Variants in LGR6 observed in about 807,000 individuals in gnomAD.
LGR6 encodes leucine rich repeat containing G protein-coupled receptor 6.
In LGR6, 45 loss-of-function variants were observed where a neutral mutation model predicts 69.4. That is an observed-to-expected ratio of 0.65 (90% CI 0.51 to 0.83). The LOEUF is 0.83. Among genes scored for constraint, LGR6 ranks in the 40% least tolerant of loss-of-function variants. The pLI is 0.00. For missense variants in LGR6, 1,108 were observed against 1,246.7 expected, an observed-to-expected ratio of 0.89 and a Z score of 1.68; for synonymous variants, 538 against 555.0, an observed-to-expected ratio of 0.97 and a Z score of 0.43.
chr1:202,234,563 G>C (rs1661361664), intron 3 of LGR6, among the ~76,000 whole-genome samples: 1 of 152,178 alleles, frequency 6.6e-6, no homozygotes, highest in African/African-American at 2.4e-5. Flanking sequence ...GATAGATGCT[G>C]TGGTGTAATG....
intron 4 of LGR6, among the ~76,000 whole-genome samples, chr1:202,253,304 ACT>A (rs949703699): frequency 8.0e-5 from 12 of 149,702 alleles, no homozygotes; most frequent in Non-Finnish European, 1.2e-4. Context: ...TGGTCCTAAT[ACT>A]CTTTTTTTTT....
rs149297622 is a variant in LGR6, at chr1:202,309,623, C to A, written c.1406+447C>A. ...TAATGACATCCAGGCCTCTTCCATG[C>A]AGCAGCAGTGGTGCAGCCTGCATGG... On this transcript the variant is annotated intron_variant, in intron 15 of 17. Coordinates refer to ENST00000367278, the MANE Select transcript of LGR6 (RefSeq NM_001017403.2). 2.5e-3 allele frequency among the ~76,000 whole-genome samples: 381 copies of A among 152,384 alleles called. 1 individual carries two copies. The highest frequency in any genetic ancestry group is 8.9e-3 in the African/African-American group (370 of 41,592).
intron 4 of LGR6, among the ~76,000 whole-genome samples, chr1:202,239,344 G>GGT (rs36157781): frequency 0.048 from 6,984 of 144,088 alleles, 178 homozygotes; most frequent in East Asian, 0.056. Flanking sequence ...GTGTGTGTGT[G>GGT]GTGTGTGTGT....
intron 9 of LGR6, 44 bp from the exon 10 acceptor site, chr1:202,303,235 A>G (rs774120062): frequency 1.4e-6 from 2 of 1,424,394 alleles, no homozygotes; most frequent in Admixed American, 1.7e-5. Context: ...TGATGTTGAG[A>G]TGCTCTGACC....
At chr1:202,230,928 C>A (rs1157567461) in intron 3 of LGR6, among the ~76,000 whole-genome samples, 1 of 152,246 alleles carries the variant, frequency 6.6e-6, no homozygotes, top group African/African-American at 2.4e-5. Flanking sequence ...GCCTCCCGTC[C>A]TGCCCTCAAG....
At chr1:202,210,441 A>C (rs1263093964) in intron 1 of LGR6, among the ~76,000 whole-genome samples, 3 of 151,744 alleles carry the variant, frequency 2.0e-5, no homozygotes, top group African/African-American at 7.3e-5. Flanking sequence ...AAAAAAAAAA[A>C]AACAAAAACC....
chr1:202,219,797 AATAATT>A (rs1221788358), intron 1 of LGR6, among the ~76,000 whole-genome samples: 1 of 152,214 alleles, frequency 6.6e-6, no homozygotes, highest in African/African-American at 2.4e-5. Flanking sequence ...ATTCTATACT[AATAATT>A]ATAATTCAGT....
rs1177368284 is a variant in LGR6, at chr1:202,264,021, G to A, written c.429-12285G>A. On this transcript the variant is annotated intron_variant, in intron 4 of 17. Coordinates refer to ENST00000367278, the MANE Select transcript of LGR6 (RefSeq NM_001017403.2). ...GATTGTGTAGTCTGTGTGAGTGGAT[G>A]GACGGATGGATGAATGGAGAAATTG... Among the ~76,000 whole-genome samples the A allele has an allele frequency of 3.3e-5, 5 of 152,282 alleles. No individual in the cohort carries two copies. The East Asian group carries it at 5.8e-4, about 18-fold the overall frequency.
At chr1:202,307,613 T>A (rs1653348219) in intron 14 of LGR6, among the ~76,000 whole-genome samples, 1 of 152,230 alleles carries the variant, frequency 6.6e-6, no homozygotes, top group African/African-American at 2.4e-5. Flanking sequence ...GAACATCATC[T>A]GCTAATGTTC....
At chr1:202,199,016 C>T (rs1298258289) in intron 1 of LGR6, among the ~76,000 whole-genome samples, 3 of 152,170 alleles carry the variant, frequency 2.0e-5, no homozygotes, top group African/African-American at 7.2e-5. Flanking sequence ...AATCTTCAGT[C>T]TCTCAGTTGC....
chr1:202,316,291 A>C (rs1384006472), intron 17 of LGR6, among the ~76,000 whole-genome samples: 1 of 152,204 alleles, frequency 6.6e-6, no homozygotes, highest in Non-Finnish European at 1.5e-5. Context: ...GATGGAAAGC[A>C]GAAGGGGAGT....
chr1:202,281,570 G>A (rs1326786286), intron 6 of LGR6, among the ~76,000 whole-genome samples: 4 of 152,116 alleles, frequency 2.6e-5, no homozygotes, highest in East Asian at 1.9e-4. Context: ...AAGTGTGGCC[G>A]TTTCTGCCAG....
intron 1 of LGR6, among the ~76,000 whole-genome samples, chr1:202,211,347 G>C (rs544878694): frequency 6.6e-6 from 1 of 152,174 alleles, no homozygotes; most frequent in African/African-American, 2.4e-5. Context: ...TGAGGTTCAC[G>C]AAGACTTTCA....
At chr1:202,270,305 C>T (rs781111416) in intron 4 of LGR6, among the ~76,000 whole-genome samples, 16 of 151,916 alleles carry the variant, frequency 1.1e-4, no homozygotes, top group South Asian at 8.3e-4. Context: ...TGCAATGGCG[C>T]GATCTCGGCT....
intron 1 of LGR6, chr1:202,214,207 G>T (rs1281248498): frequency 1.3e-6 from 2 of 1,540,492 alleles, no homozygotes; most frequent in East Asian, 5.3e-5. Context: ...AACCTCTCCC[G>T]GGCTGGGAGT....
At position 202,318,789 on chromosome 1, in the gene LGR6, T is replaced by C. The variant is rs756322906; in HGVS notation, c.2486T>C (p.Leu829Pro). 6.2e-7 allele frequency: 1 copy of C among 1,613,686 alleles called. No individual in the cohort carries two copies. Among genetic ancestry groups the C allele is most frequent in the South Asian group, 1.1e-5 (1 of 91,068 alleles). The change falls in exon 18 of 18, where the codon CTC (leucine) becomes CCC (proline). Residue 829 changes from leucine to proline, a missense_variant. Coordinates refer to ENST00000367278, the MANE Select transcript of LGR6 (RefSeq NM_001017403.2). ...TGCCTCAACCCACTGCTGTACCTGC[T>C]CTTCAACCCCCACTTCCGGGATGAC... is the stretch of plus-strand genomic sequence containing the variant. ...PACLNPLLYL[L>P]FNPHFRDDLR...
chr1:202,291,210 T>A (rs1243301844), intron 6 of LGR6, among the ~76,000 whole-genome samples: 2 of 152,232 alleles, frequency 1.3e-5, no homozygotes, highest in African/African-American at 4.8e-5. Context: ...AAGTGGTTTC[T>A]CTTTAACTTC....
chr1:202,200,195 G>T (rs1383404749), intron 1 of LGR6, among the ~76,000 whole-genome samples: 1 of 152,256 alleles, frequency 6.6e-6, no homozygotes, highest in Non-Finnish European at 1.5e-5. Context: ...GGGATGCCCG[G>T]AGGAGCTGGG....
chr1:202,241,565 G>A (rs1034942838), intron 4 of LGR6, among the ~76,000 whole-genome samples: 37 of 152,172 alleles, frequency 2.4e-4, no homozygotes, highest in African/African-American at 8.4e-4. Flanking sequence ...TTGGGAGGGG[G>A]GAGAATGGCC....
Sources: allele counts gnomAD v4.1 joint callset (sites outside exome capture counted in the v4.1 genomes callset), GRCh38; gene constraint gnomAD v4.1.1; transcripts MANE v1.5; gene names NCBI Gene and HGNC (gene_info 2026-07-23, HGNC 2026-07-21).